The following RBFOX1 variants were observed in gnomAD, a reference collection of about 807,000 sequenced individuals.
The protein encoded by RBFOX1 is RNA binding fox-1 homolog 1.
In RBFOX1, 8 loss-of-function variants were observed where a neutral mutation model predicts 57.7. The ratio of observed to expected loss-of-function variants is 0.14; its 90% CI spans 0.08 to 0.25. The LOEUF (loss-of-function observed/expected upper bound fraction) is 0.25. Ranked by LOEUF, RBFOX1 falls within the 10% of genes least tolerant of loss-of-function variation. The pLI is 1.00. For synonymous variants in RBFOX1, 326 were observed against 222.4 expected, an observed-to-expected ratio of 1.47 and a Z score of -4.15; for missense variants, 611 against 548.5, an observed-to-expected ratio of 1.11 and a Z score of -1.14.
At chr16:5,917,326 C>T (rs1597784548) in intron 4 of RBFOX1, among the ~76,000 whole-genome samples, 1 of 152,102 alleles carries the variant, frequency 6.6e-6, no homozygotes, top group South Asian at 2.1e-4. Flanking sequence ...CATTAAGCGC[C>T]CACCACCGGA....
chr16:6,967,369 G>A (rs1295798924), intron 3 of RBFOX1, among the ~76,000 whole-genome samples: 1 of 152,180 alleles, frequency 6.6e-6, no homozygotes, highest in Non-Finnish European at 1.5e-5. Flanking sequence ...TCCTTGAGCA[G>A]GGAAGAGATT....
chr16:5,261,549 G>GTTTTTTTTT lies in RBFOX1; in HGVS notation c.219+21454_219+21462dup. Among the ~76,000 whole-genome samples, 2 of 120,494 alleles carry GTTTTTTTTT rather than the reference G, an allele frequency of 1.7e-5. 1 individual carries two copies. The highest frequency in any genetic ancestry group is 3.3e-5 in the Non-Finnish European group (2 of 60,140). The allele number at this position is 120,494 out of a possible 152,430, so 79.0% of individuals were successfully genotyped here. A position where few individuals can be genotyped will look rare whatever the true frequency, so the allele number is the denominator to read the frequency against. ...CCACTGACATTTCACTGTGTGTATG[G>GTTTTTTTTT]TTTTTTTTTTTTTTTTTTGAGTTGG... On this transcript the variant is annotated intron_variant, in intron 1 of 2. Coordinates refer to the RBFOX1 transcript ENST00000585867.
intron 3 of RBFOX1, among the ~76,000 whole-genome samples, chr16:6,674,264 C>T (rs1409983865): frequency 1.3e-5 from 2 of 152,108 alleles, no homozygotes; most frequent in South Asian, 2.1e-4. Flanking sequence ...GTTAAAATGA[C>T]GTCATCCTGG....
chr16:7,531,710 C>T (rs945150558), intron 5 of RBFOX1, among the ~76,000 whole-genome samples: 1 of 152,168 alleles, frequency 6.6e-6, no homozygotes, highest in African/African-American at 2.4e-5. Flanking sequence ...ATAGGCCTGG[C>T]AGATTCCAAA....
chr16:6,425,134 A>G (rs2093887681), intron 2 of RBFOX1, among the ~76,000 whole-genome samples: 1 of 152,164 alleles, frequency 6.6e-6, no homozygotes, highest in African/African-American at 2.4e-5. Flanking sequence ...TAGTAATATT[A>G]TTTTTCAAAG....
At chr16:6,122,907 T>G (rs2152643133) in intron 1 of RBFOX1, among the ~76,000 whole-genome samples, 1 of 151,568 alleles carries the variant, frequency 6.6e-6, no homozygotes, top group Middle Eastern at 3.4e-3. Context: ...GATATTAGTT[T>G]AAAAGACTGA....
At chr16:7,270,648 A>T (rs566660363) in intron 4 of RBFOX1, among the ~76,000 whole-genome samples, 68 of 152,350 alleles carry the variant, frequency 4.5e-4, no homozygotes, top group African/African-American at 1.6e-3. Flanking sequence ...ATCAGTTGCT[A>T]TTAGACAAAC....
intron 3 of RBFOX1, among the ~76,000 whole-genome samples, chr16:6,875,716 G>C (rs533852882): frequency 6.6e-6 from 1 of 152,148 alleles, no homozygotes; most frequent in African/African-American, 2.4e-5. Flanking sequence ...AAATGAATCA[G>C]CGCCACATCT....
At chr16:5,402,477 C>G (rs765750334) in intron 1 of RBFOX1, among the ~76,000 whole-genome samples, 18 of 152,214 alleles carry the variant, frequency 1.2e-4, no homozygotes, top group Non-Finnish European at 2.4e-4. Flanking sequence ...TATGTACCAT[C>G]TGGTATTTGT....
intron 3 of RBFOX1, among the ~76,000 whole-genome samples, chr16:5,658,128 A>C (rs1214187255): frequency 2.0e-5 from 3 of 152,190 alleles, no homozygotes; most frequent in African/African-American, 7.2e-5. Flanking sequence ...TTGTTGAGCA[A>C]AGCAATGCCA....
intron 3 of RBFOX1, among the ~76,000 whole-genome samples, chr16:5,615,785 C>G (rs918275085): frequency 6.6e-6 from 1 of 152,254 alleles, no homozygotes; most frequent in Non-Finnish European, 1.5e-5. Context: ...GAGTGCCTAT[C>G]TGGGTTTCTG....
At chr16:6,260,578 A>G (rs2097695938) in intron 1 of RBFOX1, among the ~76,000 whole-genome samples, 1 of 152,164 alleles carries the variant, frequency 6.6e-6, no homozygotes. Flanking sequence ...TATATAAAGA[A>G]GGCATGGCAT....
At chr16:5,608,835 C>T (rs1186751413) in intron 3 of RBFOX1, among the ~76,000 whole-genome samples, 1 of 152,134 alleles carries the variant, frequency 6.6e-6, no homozygotes, top group Non-Finnish European at 1.5e-5. Flanking sequence ...TTCACAAAGC[C>T]TGTTGGGGTG....
At chr16:6,415,528 C>A (rs1053970177) in intron 2 of RBFOX1, among the ~76,000 whole-genome samples, 2 of 151,706 alleles carry the variant, frequency 1.3e-5, no homozygotes, top group Non-Finnish European at 2.9e-5. Context: ...TGATGAAATG[C>A]CATCTCTACT....
At chr16:7,668,798 A>C (rs1375356546) in intron 13 of RBFOX1, among the ~76,000 whole-genome samples, 2 of 152,198 alleles carry the variant, frequency 1.3e-5, no homozygotes, top group Non-Finnish European at 2.9e-5. Flanking sequence ...TTTTAATTAA[A>C]AAGTGGATCA....
intron 1 of RBFOX1, among the ~76,000 whole-genome samples, chr16:5,395,149 G>A (rs114493483): frequency 0.023 from 3,549 of 152,202 alleles, 136 homozygotes; most frequent in African/African-American, 0.08. Flanking sequence ...CCAGTTTTGG[G>A]GCATGCCAGC....
chr16:6,438,234 C>A (rs1029780334), intron 2 of RBFOX1, among the ~76,000 whole-genome samples: 1 of 152,160 alleles, frequency 6.6e-6, no homozygotes. Context: ...AAATGCCTGA[C>A]GCTGTGCTCT....
At chr16:5,664,441 G>A (rs180887511) in intron 3 of RBFOX1, among the ~76,000 whole-genome samples, 11 of 152,190 alleles carry the variant, frequency 7.2e-5, no homozygotes, top group East Asian at 3.9e-4. Context: ...CCAGCTACTC[G>A]GGAGGCTGAG....
At chr16:6,663,547 T>C (rs2098714202) in intron 3 of RBFOX1, among the ~76,000 whole-genome samples, 2 of 152,166 alleles carry the variant, frequency 1.3e-5, no homozygotes, top group African/African-American at 4.8e-5. Flanking sequence ...ATGGGGAGTA[T>C]TCATGAAGGA....
Sources: gnomAD v4.1 joint callset for allele counts (sites outside exome capture counted in the v4.1 genomes callset) on GRCh38, gnomAD v4.1.1 for gene constraint, MANE v1.5 for transcripts, NCBI Gene and HGNC (gene_info 2026-07-23, HGNC 2026-07-21) for gene names.